The following RIF1 variants were observed in gnomAD, a reference collection of about 807,000 sequenced individuals.
RIF1 encodes the protein telomere-associated protein RIF1.
RIF1 carries 45 observed loss-of-function variants against 247.1 expected under a neutral mutation model. The observed-to-expected ratio is 0.18, with a 90% CI of 0.14 to 0.23. The LOEUF is 0.23. RIF1 is among the 10% of genes least tolerant of loss of function. The pLI is 1.00. For synonymous variants in RIF1, 1,087 were observed against 978.8 expected, an observed-to-expected ratio of 1.11 and a Z score of -2.06; for missense variants, 2,967 against 2,862.5, an observed-to-expected ratio of 1.04 and a Z score of -0.83.
intron 14 of RIF1, among the ~76,000 whole-genome samples, chr2:151,439,157 G>GTTATATTC (rs1384593513): frequency 6.6e-6 from 1 of 152,148 alleles, no homozygotes; most frequent in Non-Finnish European, 1.5e-5. Context: ...GTGGAAACGG[G>GTTATATTC]TTATATTCTT....
rs2056680366 is a variant in RIF1 at position 151,491,584 on chromosome 2, ACT to A, written c.*416-3642_*416-3641del. 7.9e-6 allele frequency: 8 copies of A among 1,017,094 alleles called. 1 individual carries two copies. In the South Asian group the frequency reaches 8.3e-5, roughly 11 times the overall value. 63.0% of individuals were successfully genotyped at this position (1,017,094 alleles called of 1,614,324 possible). On this transcript the variant is annotated intron_variant and NMD_transcript_variant, in intron 9 of 13. Transcript: ENST00000454583. ...AAATGGGCAGCTCAGAAAATGGAAAACTCTGGAGGGAAGGAACTTCAGAGCCC... is the reference window on the plus strand; with the variant it reads ...AAATGGGCAGCTCAGAAAATGGAAAACTGGAGGGAAGGAACTTCAGAGCCC...
At position 151,466,120 on chromosome 2, in the gene RIF1, G is replaced by A; in HGVS notation, c.6600G>A (p.Lys2200=). ...ATGAAATCTCATCACCTGTTAATAA[G>A]GTAAGGGGAATGAGGCTAAATATTA... ...QEDEISSPVN[K]VRRVSFADPI... The change falls in exon 30 of 36, where the codon AAG becomes AAA. Residue 2200 remains lysine (K), a splice_region_variant and synonymous_variant. Transcript: ENST00000444746. 6.5e-7 allele frequency: 1 copy of A among 1,545,768 alleles called. No individual in the cohort carries two copies. Among genetic ancestry groups the A allele is most frequent in the Non-Finnish European group, 8.8e-7 (1 of 1,134,992 alleles).
In RIF1 at chr2:151,494,161, C is replaced by A; in HGVS notation, c.*416-1068C>A. 1 of 1,602,100 alleles carries A rather than the reference C, an allele frequency of 6.2e-7. No individual in the cohort carries two copies. The highest frequency in any genetic ancestry group is 2.2e-5 in the East Asian group (1 of 44,652). On this transcript the variant is annotated intron_variant and NMD_transcript_variant, in intron 9 of 13. Transcript: ENST00000454583. The stretch of plus-strand genomic sequence containing the variant: ...GCACTTTTGTTTCTCAAGACAATAC[C>A]GAGCTAATGTTTTCTTGATTGCGTT...
chr2:151,445,193 G>A, intron 18 of RIF1, 145 bp from the exon 19 acceptor site: 1 of 632,194 alleles, frequency 1.6e-6, no homozygotes, highest in Non-Finnish European at 2.8e-6. Context: ...ACATGCGTAG[G>A]TTCGAGGGGT....
In RIF1 at chr2:151,463,012, A is replaced by G. The variant is rs770260928; in HGVS notation, c.3492A>G (p.Glu1164=). The G allele has an allele frequency of 4.8e-5, 78 of 1,613,834 alleles. No homozygotes were observed. The Admixed American group carries it at 1.3e-3, about 27-fold the overall frequency. ...GTTCTCTTGACAAAACCAGTCCAGA[A>G]ATGTCAAACAGTAATAATGATGAAA... ...ECGSLDKTSP[E]MSNSNNDERK... The change falls in exon 30 of 36, where the codon GAA becomes GAG. Residue 1164 remains glutamate, a synonymous_variant. Coordinates refer to ENST00000444746, the MANE Select transcript of RIF1 (RefSeq NM_018151.5).
At chr2:151,505,525 G>T (rs1403586555) in intron 12 of RIF1, 1 of 1,613,798 alleles carries the variant, frequency 6.2e-7, no homozygotes, top group Non-Finnish European at 8.5e-7. Context: ...ACTTCAGGCA[G>T]GTCAGGGATT....
chr2:151,464,905 T>G lies in RIF1; in HGVS notation c.5385T>G (p.Asn1795Lys). 6.3e-7 allele frequency: 1 copy of G among 1,580,264 alleles called. No homozygotes were observed. The highest frequency in any genetic ancestry group is 8.6e-7 in the Non-Finnish European group (1 of 1,169,132). Reference protein sequence around the residue: ...GQFLDEHHSVNFHLGLKEDND... With the variant: ...GQFLDEHHSVKFHLGLKEDND... ...TTTTAGATGAACATCATAGTGTGAA[T>G]TTTCATTTGGGTCTCAAAGAGGATA... Residue 1795 changes from asparagine (N) to lysine (K), a missense_variant, in exon 30 of 36, where the codon AAT (asparagine) becomes AAG (lysine). Transcript: ENST00000444746.
chr2:151,506,185 G>A lies in RIF1; in HGVS notation c.*862-25G>A, dbSNP rs772064998. The A allele has an allele frequency of 3.7e-6, 6 of 1,612,710 alleles. No homozygotes were observed. In the Admixed American group the frequency reaches 5.0e-5, roughly 13 times the overall value. On this transcript the variant is annotated intron_variant and NMD_transcript_variant, in intron 12 of 13. Transcript: ENST00000454583. ...CTTTACCGAGCTAATGTGGTCCTGT[G>A]TTTGTTTCACTCTCATCATCTCAGG...
chr2:151,457,506 A>G (rs1370333720), intron 23 of RIF1, among the ~76,000 whole-genome samples: 2 of 152,182 alleles, frequency 1.3e-5, no homozygotes, highest in Non-Finnish European at 1.5e-5. Flanking sequence ...GTAGGTAACT[A>G]TTTATCTTGT....
chr2:151,485,949 G>GA (rs148839798), downstream of RIF1: 2,671 of 1,612,194 alleles, frequency 1.7e-3, 41 homozygotes, highest in East Asian at 0.033. Flanking sequence ...CGTGGGGATG[G>GA]AAAAGGGGAA....
intron 4 of RIF1, among the ~76,000 whole-genome samples, chr2:151,415,968 A>G (rs915985505): frequency 2.0e-5 from 3 of 152,254 alleles, no homozygotes; most frequent in African/African-American, 4.8e-5. Flanking sequence ...TGCTGAATTG[A>G]AAAGTTCTTT....
the RIF1 span, chr2:151,533,428 C>G: frequency 3.3e-6 from 5 of 1,520,138 alleles, no homozygotes; most frequent in South Asian, 4.8e-5. Flanking sequence ...TCTTCACATC[C>G]CATCAGACAT....
chr2:151,489,942 T>G (rs1435815599), intron 9 of RIF1: 4 of 1,504,794 alleles, frequency 2.7e-6, no homozygotes, highest in Non-Finnish European at 3.7e-6. Context: ...TTAAGAATAA[T>G]TTATTTAAGT....
Position 151,466,702 on chromosome 2 carries a change from CAT to C in RIF1, c.6600+584_6600+585del, listed in dbSNP as rs1405086873. Among the ~76,000 whole-genome samples, 14 of 152,310 alleles carry C rather than the reference CAT, an allele frequency of 9.2e-5. No individual in the cohort carries two copies. The South Asian group carries it at 2.5e-3, about 27-fold the overall frequency. On this transcript the variant is annotated intron_variant, in intron 30 of 35. Coordinates refer to ENST00000444746, the MANE Select transcript of RIF1 (RefSeq NM_018151.5). ...TTAGCTTCAGGCCTTGTGCCTTGCA[CAT>C]AGTTTGTTGAATGAATGAATAAAAA... is the stretch of plus-strand genomic sequence containing the variant.
Position 151,493,392 on chromosome 2 carries a change from C to A in RIF1, c.*416-1837C>A. 6.2e-7 allele frequency: 1 copy of A among 1,612,008 alleles called. No individual in the cohort carries two copies. The highest frequency in any genetic ancestry group is 8.5e-7 in the Non-Finnish European group (1 of 1,179,284). ...CTTGGTTGCGCTTAGCTCTCTCCAT[C>A]TCTGGAGTAACAGGTGTCGGAGTTG... On this transcript the variant is annotated intron_variant and NMD_transcript_variant, in intron 9 of 13. Coordinates refer to the RIF1 transcript ENST00000454583.
rs766453942 is a variant in RIF1 at position 151,491,744 on chromosome 2, C to T, written c.*416-3485C>T. 12 of 1,595,938 alleles carry T rather than the reference C, an allele frequency of 7.5e-6. No homozygotes were observed. The highest frequency in any genetic ancestry group is 4.5e-5 in the East Asian group (2 of 44,212). On this transcript the variant is annotated intron_variant and NMD_transcript_variant, in intron 9 of 13. Transcript: ENST00000454583. The stretch of plus-strand genomic sequence containing the variant: ...CTTCTGCTGGATCATAGTCAAAAAC[C>T]GAACCAGGATTAGTACGCCAGACAC...
downstream of RIF1, chr2:151,483,266 C>T (rs867573356): frequency 1.3e-5 from 2 of 151,998 alleles, no homozygotes; most frequent in African/African-American, 4.8e-5. Context: ...TCCCTAGTAT[C>T]GTTGGACCAA....
At chr2:151,525,214 CA>C in the RIF1 span, 2 of 1,613,990 alleles carry the variant, frequency 1.2e-6, no homozygotes, top group Non-Finnish European at 1.7e-6. Context: ...CTGGTGGCTC[CA>C]GCATGATGGA....
At chr2:151,519,792 AATT>A in the RIF1 span, 1 of 1,465,788 alleles carries the variant, frequency 6.8e-7, no homozygotes, top group Non-Finnish European at 9.6e-7. Flanking sequence ...CAAACATCCA[AATT>A]ATTCCTGGAC....
Sources: gnomAD v4.1 joint callset for allele counts (sites outside exome capture counted in the v4.1 genomes callset) on GRCh38, gnomAD v4.1.1 for gene constraint, MANE v1.5 for transcripts, NCBI Gene and HGNC (gene_info 2026-07-23, HGNC 2026-07-21) for gene names.